Variants in OGG1 observed in about 807,000 individuals in gnomAD.
OGG1 encodes 8-oxoguanine DNA glycosylase.
A neutral mutation model predicts 42.3 loss-of-function variants in OGG1; 35 were observed. The observed-to-expected ratio is 0.83, with a 90% confidence interval of 0.63 to 1.10. OGG1 has a LOEUF of 1.10. Ranked by LOEUF, OGG1 falls within the 50% of genes least tolerant of loss-of-function variation. OGG1 has a pLI of 0.00. For synonymous variants in OGG1, 189 were observed against 179.0 expected (o/e 1.06, Z -0.44); for missense variants, 484 against 446.7 (o/e 1.08, Z -0.75).
chr3:9,758,380 C>T (rs766572268), downstream of OGG1: 1 of 155,354 alleles, frequency 6.4e-6, no homozygotes, highest in Non-Finnish European at 1.4e-5. Flanking sequence ...GTCATGGTAC[C>T]ACCACCATCC....
chr3:9,759,835 T>G (rs2077762656), downstream of OGG1: 3 of 1,609,108 alleles, frequency 1.9e-6, no homozygotes, highest in Non-Finnish European at 2.5e-6. Context: ...CCCTCAGGTC[T>G]GGCCTGGCAT....
At chr3:9,772,984 G>A (rs189495637) in intron 2 of OGG1, among the ~76,000 whole-genome samples, 20 of 152,182 alleles carry the variant, frequency 1.3e-4, no homozygotes, top group Admixed American at 4.6e-4. Context: ...AGGGCCAGGC[G>A]TGGGGAGGCC....
Position 9,754,853 on chromosome 3 carries a change from G to A in OGG1, c.715G>A (p.Ala239Thr). The A allele has an allele frequency of 6.2e-7, 1 of 1,606,322 alleles. No individual in the cohort carries two copies. The highest frequency in any genetic ancestry group is 8.5e-7 in the Non-Finnish European group (1 of 1,176,358). Residue 239 changes from alanine (A) to threonine (T), a missense_variant, in exon 4 of 7, where the codon GCC becomes ACC. Physicochemically the swap from Ala to Thr is moderately conservative, Grantham distance 58. Coordinates refer to ENST00000344629, the MANE Select transcript of OGG1 (RefSeq NM_002542.6). ...GTCCTCATATGAGGAGGCCCACAAGGCCCTCTGCATCCTGCCTGGAGTGGG... is the reference window on the plus strand; with the variant it reads ...GTCCTCATATGAGGAGGCCCACAAGACCCTCTGCATCCTGCCTGGAGTGGG... ...RESSYEEAHK[A>T]LCILPGVGTK...
chr3:9,787,510 C>A, intron 3 of OGG1: 2 of 1,060,324 alleles, frequency 1.9e-6, no homozygotes, highest in Non-Finnish European at 1.3e-6. Flanking sequence ...GTACTTCACA[C>A]TCTAGTAAGG....
At chr3:9,788,154 T>C (rs1489857756) in exon 4 of OGG1, 2 of 156,806 alleles carry the variant, frequency 1.3e-5, no homozygotes, top group Admixed American at 6.1e-5. Context: ...AGCTCACCTA[T>C]GGGAGGATTC....
chr3:9,762,587 C>G (rs1407629407), intron 7 of OGG1, among the ~76,000 whole-genome samples: 2 of 151,938 alleles, frequency 1.3e-5, no homozygotes, highest in East Asian at 3.9e-4. Flanking sequence ...AAGCTGGTCT[C>G]GAACTGACCT....
At chr3:9,762,876 C>T in intron 7 of OGG1, 1 of 1,609,706 alleles carries the variant, frequency 6.2e-7, no homozygotes, top group African/African-American at 1.3e-5. Flanking sequence ...GGCCCCACCC[C>T]TGGGTACCCT....
At chr3:9,787,364 C>A in intron 3 of OGG1, 3 of 1,591,444 alleles carry the variant, frequency 1.9e-6, no homozygotes, top group Non-Finnish European at 1.7e-6. Flanking sequence ...GGCACCCAAC[C>A]CTGAGTGGGT....
intron 2 of OGG1, 85 bp from the exon 3 acceptor site, chr3:9,751,685 G>T: frequency 1.6e-6 from 2 of 1,279,602 alleles, no homozygotes; most frequent in Non-Finnish European, 2.3e-6. Context: ...CTGGAGTTTT[G>T]GTACCTAGGA....
At chr3:9,780,474 G>A in intron 2 of OGG1, 1 of 1,611,440 alleles carries the variant, frequency 6.2e-7, no homozygotes, top group Non-Finnish European at 8.5e-7. Flanking sequence ...TCTTGCGAAA[G>A]GCGTCCATGA....
chr3:9,759,552 T>C (rs1157416401), downstream of OGG1: 2 of 1,614,042 alleles, frequency 1.2e-6, no homozygotes, highest in African/African-American at 1.3e-5. Context: ...GATATTCTTA[T>C]CTAGAGCTGT....
intron 7 of OGG1, chr3:9,762,882 A>T (rs548473955): frequency 2.5e-6 from 4 of 1,610,796 alleles, no homozygotes; most frequent in Non-Finnish European, 3.4e-6. Context: ...ACCCCTGGGT[A>T]CCCTAGCTCA....
downstream of OGG1, chr3:9,760,606 G>A (rs1442743840): frequency 1.9e-6 from 3 of 1,596,290 alleles, no homozygotes; most frequent in Middle Eastern, 1.7e-4. Flanking sequence ...AAGCAGGTGA[G>A]GGAGGAACCA....
intron 7 of OGG1, chr3:9,765,754 C>T (rs966964460): frequency 2.5e-6 from 4 of 1,613,808 alleles, no homozygotes; most frequent in African/African-American, 2.7e-5. Context: ...CTGTGGCCCA[C>T]GCACTTGTGC....
Position 9,751,036 on chromosome 3 carries a change from G to A in OGG1, c.229G>A (p.Val77Met), listed in dbSNP as rs757236953. The change falls in exon 2 of 7, where the codon GTG becomes ATG. Residue 77 changes from valine to methionine, a missense_variant. Transcript: ENST00000344629. ...GACTGAGGAGCAGCTCCACTGCACT[G>A]TGTACCGAGGAGACAAGAGCCAGGC... is the stretch of plus-strand genomic sequence containing the variant. ...TQTEEQLHCTVYRGDKSQASR... is the reference protein window; with the variant it reads ...TQTEEQLHCTMYRGDKSQASR... The A allele has an allele frequency of 1.7e-5, 27 of 1,613,776 alleles. No individual in the cohort carries two copies. The highest frequency in any genetic ancestry group is 1.7e-5 in the Non-Finnish European group (20 of 1,179,852).
chr3:9,754,404 G>A (rs2077442267), intron 3 of OGG1, among the ~76,000 whole-genome samples: 1 of 152,210 alleles, frequency 6.6e-6, no homozygotes. Context: ...CACTCTTTCG[G>A]AAAGGTTAAG....
exon 8 of OGG1, chr3:9,766,220 G>A (rs2078146687): frequency 1.4e-6 from 1 of 730,756 alleles, no homozygotes; most frequent in Middle Eastern, 2.3e-4. Flanking sequence ...GAGCCTGCTT[G>A]GGAATGAAAT....
At chr3:9,782,479 C>T (rs1329271066) in intron 3 of OGG1, among the ~76,000 whole-genome samples, 1 of 152,214 alleles carries the variant, frequency 6.6e-6, no homozygotes, top group East Asian at 1.9e-4. Context: ...ATACATTAGT[C>T]ACTCTTATCC....
chr3:9,787,375 A>C (rs776751871), intron 3 of OGG1: 2 of 1,578,634 alleles, frequency 1.3e-6, no homozygotes, highest in East Asian at 4.5e-5. Flanking sequence ...CTGAGTGGGT[A>C]AGCACTGGCC....
Sources: gnomAD v4.1 joint callset for allele counts (sites outside exome capture counted in the v4.1 genomes callset) on GRCh38, gnomAD v4.1.1 for gene constraint, MANE v1.5 for transcripts, NCBI Gene and HGNC (gene_info 2026-07-23, HGNC 2026-07-21) for gene names.